ADGRF5: variants seen among roughly 807,000 people sequenced by gnomAD.
The protein encoded by ADGRF5 is adhesion G protein-coupled receptor F5, also known as G-protein coupled receptor 116.
Under a neutral mutation model 132.3 loss-of-function variants are expected in ADGRF5, and 75 were observed. The observed-to-expected ratio is 0.57, with a 90% CI of 0.47 to 0.69. The LOEUF (loss-of-function observed/expected upper bound fraction) is 0.69, where lower values mean the gene tolerates loss of function less well. ADGRF5 is among the 30% of genes least tolerant of loss of function. ADGRF5 has a pLI of 0.00. For synonymous variants in ADGRF5, 629 were observed against 597.6 expected (o/e 1.05, Z -0.77); for missense variants, 1,516 against 1,630.6 (o/e 0.93, Z 1.21).
At chr6:46,936,618 T>C (rs1022471175) in intron 1 of ADGRF5, among the ~76,000 whole-genome samples, 22 of 152,164 alleles carry the variant, frequency 1.4e-4, no homozygotes, top group African/African-American at 5.1e-4. Flanking sequence ...TTCTAGGCCC[T>C]GGGGATAAGA....
chr6:46,947,860 G>T (rs1442258403), intron 1 of ADGRF5, among the ~76,000 whole-genome samples: 1 of 152,172 alleles, frequency 6.6e-6, no homozygotes, highest in African/African-American at 2.4e-5. Flanking sequence ...TGCCAGCAGA[G>T]GCCAACAACC....
chr6:46,885,630 A>G (rs915842827), intron 4 of ADGRF5, among the ~76,000 whole-genome samples: 2 of 152,316 alleles, frequency 1.3e-5, no homozygotes, highest in Admixed American at 1.3e-4. Context: ...AGAAGGGTCA[A>G]CCTTGGCATT....
chr6:46,884,812 C>A (rs1263774274), intron 4 of ADGRF5, among the ~76,000 whole-genome samples: 1 of 152,208 alleles, frequency 6.6e-6, no homozygotes, highest in Non-Finnish European at 1.5e-5. Context: ...CATGAAGACA[C>A]ATCATGGAGA....
At chr6:46,881,065 A>T (rs1318483473) in intron 8 of ADGRF5, among the ~76,000 whole-genome samples, 1 of 152,116 alleles carries the variant, frequency 6.6e-6, no homozygotes, top group African/African-American at 2.4e-5. Context: ...ACACTATTGC[A>T]CTCCAGCCGG....
intron 20 of ADGRF5, 125 bp downstream of exon 20, chr6:46,855,849 C>T (rs1768974913): frequency 3.0e-6 from 2 of 672,156 alleles, no homozygotes; most frequent in Non-Finnish European, 5.4e-6. Flanking sequence ...TATTTAACCT[C>T]TACCCCAAAA....
rs1387947980 is a variant in ADGRF5, at chr6:46,859,975, G to A, written c.2380-452C>T. Among the ~76,000 whole-genome samples, 6 of 152,188 alleles carry A rather than the reference G, an allele frequency of 3.9e-5. No individual in the cohort carries two copies. The East Asian group carries it at 1.2e-3, about 29-fold the overall frequency. On this transcript the variant is annotated intron_variant, in intron 16 of 20. Coordinates refer to ENST00000283296, the MANE Select transcript of ADGRF5 (RefSeq NM_001098518.2). Reference sequence around the variant, plus strand: ...AAAATGCCTGTAATCCCAGCTACTTGGGAGGCTGAAGCAGGAGAATTGCTT... The same window carrying A: ...AAAATGCCTGTAATCCCAGCTACTTAGGAGGCTGAAGCAGGAGAATTGCTT...
Position 46,858,548 on chromosome 6 carries a change from G to C in ADGRF5, c.3355C>G (p.Leu1119Val). 1 of 1,613,918 alleles carries C rather than the reference G, an allele frequency of 6.2e-7. No individual in the cohort carries two copies. The change falls in exon 17 of 21, where the codon CTG becomes GTG. Residue 1119 changes from leucine to valine, a missense_variant. Leu to Val is a conservative substitution (Grantham distance 32). Coordinates refer to ENST00000283296, the MANE Select transcript of ADGRF5 (RefSeq NM_001098518.2). Reference protein sequence around the residue: ...LMLFYRLVFILHETSRSTQKA... With the variant: ...LMLFYRLVFIVHETSRSTQKA... The stretch of plus-strand genomic sequence containing the variant: ...TGAGTGGACCTGCTTGTTTCATGCA[G>C]AATGAAAACCAGGCGATAGAACAGC...
chr6:46,864,892 T>G, intron 14 of ADGRF5, 150 bp downstream of exon 14: 1 of 520,428 alleles, frequency 1.9e-6, no homozygotes, highest in Non-Finnish European at 3.4e-6. Flanking sequence ...TTATTTCTTT[T>G]CTTTTAAATA....
In ADGRF5 at chr6:46,877,224, T is replaced by C. The variant is rs567440056; in HGVS notation, c.1240+978A>G. The stretch of plus-strand genomic sequence containing the variant: ...CTTTGGTGAGTCCTAATTTATTTCC[T>C]CTCTTTCTTTCTTTCTTTCTTTCTT... On this transcript the variant is annotated intron_variant, in intron 10 of 20. Coordinates refer to ENST00000283296, the MANE Select transcript of ADGRF5 (RefSeq NM_001098518.2). 7.3e-5 allele frequency among the ~76,000 whole-genome samples: 11 copies of C among 150,136 alleles called. No homozygotes were observed. The South Asian group carries it at 1.9e-3, about 26-fold the overall frequency.
Position 46,897,161 on chromosome 6 carries a change from C to T in ADGRF5, c.157+2868G>A, listed in dbSNP as rs868442523. 6.7e-3 allele frequency among the ~76,000 whole-genome samples: 1,021 copies of T among 151,672 alleles called. 13 individuals carry two copies. Among genetic ancestry groups the T allele is most frequent in the African/African-American group, 0.024 (975 of 41,328 alleles). ...GCATATATATACACACACACACACA[C>T]ACACACACACACACACATATAAATT... is the stretch of plus-strand genomic sequence containing the variant. On this transcript the variant is annotated intron_variant, in intron 3 of 20. Coordinates refer to ENST00000283296, the MANE Select transcript of ADGRF5 (RefSeq NM_001098518.2).
chr6:46,869,434 C>T (rs982039175), intron 11 of ADGRF5: 4 of 970,054 alleles, frequency 4.1e-6, no homozygotes, highest in Non-Finnish European at 4.9e-6. Flanking sequence ...CCCCTCCAAC[C>T]TCCTCTGTAA....
intron 4 of ADGRF5, among the ~76,000 whole-genome samples, chr6:46,885,616 A>G (rs1242057749): frequency 6.6e-6 from 1 of 152,188 alleles, no homozygotes; most frequent in African/African-American, 2.4e-5. Flanking sequence ...TGTACCACAT[A>G]AAAAGAAGGG....
chr6:46,880,358 T>TAAAAA (rs5875988), intron 8 of ADGRF5, among the ~76,000 whole-genome samples: 1 of 150,460 alleles, frequency 6.6e-6, no homozygotes. Flanking sequence ...CATTTTTTTA[T>TAAAAA]AAAAAAAAAA....
At chr6:46,911,069 C>A (rs1775902498) in intron 1 of ADGRF5, among the ~76,000 whole-genome samples, 1 of 152,132 alleles carries the variant, frequency 6.6e-6, no homozygotes, top group Non-Finnish European at 1.5e-5. Context: ...CCTTCTCTGC[C>A]CCTCATGTAC....
In ADGRF5 at chr6:46,858,242, T is replaced by A; in HGVS notation, c.3661A>T (p.Ile1221Phe). 6.2e-7 allele frequency: 1 copy of A among 1,614,086 alleles called. No individual in the cohort carries two copies. Among genetic ancestry groups the A allele is most frequent in the Non-Finnish European group, 8.5e-7 (1 of 1,180,014 alleles). Residue 1221 changes from isoleucine to phenylalanine, a missense_variant, in exon 17 of 21, where the codon ATT becomes TTT. Ile to Phe is a conservative substitution (Grantham distance 21). This residue lies in a region of ADGRF5 where 571 missense variants were observed against 701.2 expected (regional missense o/e 0.81). Transcript: ENST00000283296. ...CCCAAGAGTGGTGTGAGGACCCCAA[T>A]GCTCTTGCTGATCTGAAACAGGCTG... is the stretch of plus-strand genomic sequence containing the variant. ...KSSLFQISKS[I>F]GVLTPLLGLT... is the part of the protein sequence containing the mutation.
chr6:46,878,153 G>T, intron 10 of ADGRF5, 49 bp downstream of exon 10: 1 of 1,191,006 alleles, frequency 8.4e-7, no homozygotes, highest in Non-Finnish European at 1.3e-6. Flanking sequence ...TTTCTACTTG[G>T]CCAAGAGGCA....
chr6:46,945,412 T>G (rs12664748), intron 1 of ADGRF5, among the ~76,000 whole-genome samples: 14,721 of 152,228 alleles, frequency 0.097, 835 homozygotes, highest in East Asian at 0.19. Context: ...ATCACTTAAG[T>G]GACACTTTTG....
intron 3 of ADGRF5, among the ~76,000 whole-genome samples, chr6:46,893,003 A>G (rs1030889325): frequency 6.7e-6 from 1 of 150,254 alleles, no homozygotes; most frequent in African/African-American, 2.4e-5. Flanking sequence ...GAGGCAAAAG[A>G]TAAGTTTACA....
In ADGRF5 at chr6:46,859,686, G is replaced by A. The variant is rs369658688; in HGVS notation, c.2380-163C>T. Among the ~76,000 whole-genome samples the A allele has an allele frequency of 5.3e-5, 8 of 152,262 alleles. No homozygotes were observed. The East Asian group carries it at 1.4e-3, about 26-fold the overall frequency. On this transcript the variant is annotated intron_variant, in intron 16 of 20. Coordinates refer to ENST00000283296, the MANE Select transcript of ADGRF5 (RefSeq NM_001098518.2). Reference sequence around the variant, plus strand: ...GGGGATGTATGACCTTCTTATGGCAGAGTTTAGCAAAGGATGGGTCCCCAA... The same window carrying A: ...GGGGATGTATGACCTTCTTATGGCAAAGTTTAGCAAAGGATGGGTCCCCAA...
Sources: gnomAD v4.1 joint callset for allele counts (sites outside exome capture counted in the v4.1 genomes callset) on GRCh38, gnomAD v4.1.1 for gene constraint, gnomAD v4.1.1 regional missense constraint, MANE v1.5 for transcripts, NCBI Gene and HGNC (gene_info 2026-07-23, HGNC 2026-07-21) for gene names.